Variants in AHCY observed in about 807,000 individuals in gnomAD.
AHCY encodes the protein adenosylhomocysteinase, also known as S-adenosyl-L-homocysteine hydrolase.
In AHCY, 24 loss-of-function variants were observed where a neutral mutation model predicts 45.4. The observed-to-expected ratio is 0.53, with a 90% confidence interval of 0.38 to 0.74. The LOEUF (loss-of-function observed/expected upper bound fraction) is 0.74, where lower values mean the gene tolerates loss of function less well. AHCY is among the 30% of genes least tolerant of loss of function. The probability of loss-of-function intolerance (pLI) is 0.00; values close to 1 mark genes in which losing one functional copy is unlikely to be tolerated. For missense variants in AHCY, 449 were observed against 594.1 expected, an observed-to-expected ratio of 0.76 and a Z score of 2.54; for synonymous variants, 245 against 235.1, an observed-to-expected ratio of 1.04 and a Z score of -0.39.
intron 2 of AHCY, chr20:34,295,087 G>C (rs1013848500): frequency 4.3e-6 from 2 of 468,636 alleles, no homozygotes; most frequent in Admixed American, 6.6e-5. Flanking sequence ...GAAGGGCCAA[G>C]GCAAGCTGGC....
the AHCY span, among the ~76,000 whole-genome samples, chr20:34,260,990 AATC>A: frequency 2.0e-5 from 3 of 152,298 alleles, no homozygotes; most frequent in African/African-American, 7.2e-5. Context: ...ACCTGATAAT[AATC>A]ATAGACATAC....
chr20:34,243,770 A>AAC, the AHCY span, among the ~76,000 whole-genome samples: 1 of 151,890 alleles, frequency 6.6e-6, no homozygotes, highest in African/African-American at 2.4e-5. Flanking sequence ...AAAAAAAAAA[A>AAC]AAAAAACTGT....
chr20:34,268,247 A>C, the AHCY span, among the ~76,000 whole-genome samples: 1,924 of 152,316 alleles, frequency 0.013, 24 homozygotes, highest in Non-Finnish European at 0.021. Flanking sequence ...CCAGGAAAAG[A>C]AGCAGCAAGC....
the AHCY span, among the ~76,000 whole-genome samples, chr20:34,253,487 T>A: frequency 5.4e-5 from 8 of 147,564 alleles, no homozygotes; most frequent in African/African-American, 1.5e-4. Context: ...TTATTTATTT[T>A]TTAGAGACAG....
chr20:34,246,202 CT>C, the AHCY span: 1 of 1,430,978 alleles, frequency 7.0e-7, no homozygotes, highest in Non-Finnish European at 9.6e-7. Context: ...CCTTAGTAAG[CT>C]TTTGTGGTAT....
chr20:34,247,575 G>T, the AHCY span, among the ~76,000 whole-genome samples: 1 of 151,872 alleles, frequency 6.6e-6, no homozygotes, highest in Non-Finnish European at 1.5e-5. Context: ...AGGACTACAG[G>T]CATGAGTCAC....
chr20:34,246,935 T>C, the AHCY span, among the ~76,000 whole-genome samples: 2 of 152,170 alleles, frequency 1.3e-5, no homozygotes, highest in Non-Finnish European at 2.9e-5. Flanking sequence ...GAGTTTAACA[T>C]TTTATGTTTT....
At chr20:34,278,212 G>A (rs1221504464), downstream of AHCY, among the ~76,000 whole-genome samples, 2 of 152,166 alleles carry the variant, frequency 1.3e-5, no homozygotes, top group African/African-American at 2.4e-5. Flanking sequence ...GAAAAGAGGG[G>A]CTGTGTTTTC....
At chr20:34,245,017 G>A in the AHCY span, among the ~76,000 whole-genome samples, 7 of 152,048 alleles carry the variant, frequency 4.6e-5, no homozygotes, top group African/African-American at 9.6e-5. Context: ...AAAGTCTACC[G>A]GGTTTTTCAA....
chr20:34,294,840 A>G (rs949494752), intron 2 of AHCY, among the ~76,000 whole-genome samples: 1 of 152,172 alleles, frequency 6.6e-6, no homozygotes, highest in Non-Finnish European at 1.5e-5. Context: ...AAGCTATAAA[A>G]TCAGACCGCC....
the AHCY span, among the ~76,000 whole-genome samples, chr20:34,258,976 G>A: frequency 6.9e-6 from 1 of 145,888 alleles, no homozygotes; most frequent in Non-Finnish European, 1.5e-5. Context: ...GCTTAGGTGG[G>A]AGGATCACTT....
chr20:34,280,021 G>A (rs1175931625), downstream of AHCY, among the ~76,000 whole-genome samples: 4 of 152,158 alleles, frequency 2.6e-5, no homozygotes, highest in Admixed American at 1.3e-4. Flanking sequence ...GAACCCAGGA[G>A]GCGAAGGTTG....
chr20:34,237,229 A>T, the AHCY span, among the ~76,000 whole-genome samples: 1 of 150,668 alleles, frequency 6.6e-6, no homozygotes, highest in East Asian at 1.9e-4. Context: ...GAGATTCCAT[A>T]CAAATTTTAG....
the AHCY span, chr20:34,268,974 CG>C: frequency 5.7e-6 from 9 of 1,591,298 alleles, no homozygotes; most frequent in Non-Finnish European, 7.7e-6. Flanking sequence ...CATAAAGCCC[CG>C]GCGTTTCCCA....
chr20:34,291,619 C>G, intron 4 of AHCY, 88 bp from the exon 5 acceptor site: 1 of 1,218,442 alleles, frequency 8.2e-7, no homozygotes. Flanking sequence ...AGCCATTCCT[C>G]TTTCTGGGTT....
the AHCY span, among the ~76,000 whole-genome samples, chr20:34,258,690 T>TATATATATATACAC: frequency 1.4e-5 from 1 of 72,326 alleles, no homozygotes; most frequent in African/African-American, 7.4e-5. Flanking sequence ...TATATATATA[T>TATATATATATACAC]ACATACTATA....
upstream of AHCY, among the ~76,000 whole-genome samples, chr20:34,306,232 C>T (rs1005886991): frequency 9.9e-5 from 15 of 152,166 alleles, no homozygotes; most frequent in Middle Eastern, 3.4e-3. Context: ...TTCATATGAA[C>T]AAAACTTTGG....
intron 1 of AHCY, chr20:34,302,699 G>C: frequency 1.0e-6 from 1 of 987,688 alleles, no homozygotes; most frequent in Non-Finnish European, 1.2e-6. Flanking sequence ...TGCTGGAGGG[G>C]TGGGGGACCC....
At chr20:34,288,797 A>G (rs1568793585) in intron 8 of AHCY, among the ~76,000 whole-genome samples, 1 of 152,200 alleles carries the variant, frequency 6.6e-6, no homozygotes, top group Non-Finnish European at 1.5e-5. Flanking sequence ...CAAAGCCAAA[A>G]TGTCTTCCAG....
Sources: gnomAD v4.1 joint callset for allele counts (sites outside exome capture counted in the v4.1 genomes callset) on GRCh38, gnomAD v4.1.1 for gene constraint, MANE v1.5 for transcripts, NCBI Gene and HGNC (gene_info 2026-07-23, HGNC 2026-07-21) for gene names.